Variants in SLC8A1 observed in about 807,000 individuals in gnomAD.
SLC8A1 encodes sodium/calcium exchanger 1.
Under a neutral mutation model 68.3 loss-of-function variants are expected in SLC8A1, and 18 were observed. That is an observed-to-expected ratio of 0.26 (90% CI 0.18 to 0.39). The LOEUF is 0.39. Among genes scored for constraint, SLC8A1 ranks in the 10% least tolerant of loss-of-function variants. SLC8A1 has a pLI of 1.00. For synonymous variants in SLC8A1, 475 were observed against 415.5 expected (o/e 1.14, Z -1.74); for missense variants, 985 against 1,156.7 (o/e 0.85, Z 2.15).
At chr2:40,292,615 C>T (rs1008631462) in intron 2 of SLC8A1, among the ~76,000 whole-genome samples, 12 of 152,142 alleles carry the variant, frequency 7.9e-5, no homozygotes, top group Admixed American at 2.6e-4. Flanking sequence ...GAGAGAAGTG[C>T]ACCCACAGGA....
At chr2:40,103,254 TCCAC>T in exon 8 of SLC8A1, 1 of 152,294 alleles carries the variant, frequency 6.6e-6, no homozygotes, top group Non-Finnish European at 1.5e-5. Flanking sequence ...CTTCTTTTCT[TCCAC>T]CCCATGGAAA....
chr2:40,242,403 C>T (rs1000955065), intron 2 of SLC8A1, among the ~76,000 whole-genome samples: 38 of 152,130 alleles, frequency 2.5e-4, no homozygotes, highest in African/African-American at 8.9e-4. Context: ...AATTTGTAAC[C>T]TCATTGTTGT....
chr2:40,160,797 T>C (rs758677375), exon 6 of SLC8A1: 4 of 1,613,298 alleles, frequency 2.5e-6, no homozygotes, highest in Non-Finnish European at 3.4e-6. Context: ...AATGAACTGT[T>C]CTCTCCAGCT....
intron 2 of SLC8A1, among the ~76,000 whole-genome samples, chr2:40,426,226 C>T (rs1357945663): frequency 6.6e-6 from 1 of 151,976 alleles, no homozygotes; most frequent in African/African-American, 2.4e-5. Context: ...TAAAATTTCA[C>T]ATTTCAATTA....
At chr2:40,321,928 C>T (rs1359299764) in intron 2 of SLC8A1, among the ~76,000 whole-genome samples, 1 of 152,128 alleles carries the variant, frequency 6.6e-6, no homozygotes, top group Non-Finnish European at 1.5e-5. Context: ...TATTAAACCT[C>T]TACTGTCTGA....
intron 2 of SLC8A1, among the ~76,000 whole-genome samples, chr2:40,398,618 T>C (rs1173376598): frequency 6.6e-6 from 1 of 152,216 alleles, no homozygotes; most frequent in Non-Finnish European, 1.5e-5. Flanking sequence ...GAATAGTCAA[T>C]ATGATTTTTA....
At chr2:40,452,811 G>C (rs1371742370), upstream of SLC8A1, among the ~76,000 whole-genome samples, 4 of 151,134 alleles carry the variant, frequency 2.6e-5, no homozygotes, top group African/African-American at 4.9e-5. Flanking sequence ...TCTCTGTGTT[G>C]GTATTTCCCT....
At position 40,428,430 on chromosome 2, in the gene SLC8A1, C is replaced by G. The variant is rs773892979; in HGVS notation, c.1808+43G>C. On this transcript the variant is annotated intron_variant, in intron 2 of 7. Transcript: ENST00000406785. ...ATTCATAAACACACTGAACCACACA[C>G]ACACACACACACACACACACACATA... 1.1e-5 allele frequency: 12 copies of G among 1,076,682 alleles called. No homozygotes were observed. The Admixed American group carries it at 3.1e-4, about 27-fold the overall frequency. 66.7% of individuals were successfully genotyped at this position (1,076,682 alleles called of 1,614,324 possible).
intron 2 of SLC8A1, among the ~76,000 whole-genome samples, chr2:40,354,495 A>C (rs1324234092): frequency 1.3e-5 from 2 of 152,104 alleles, no homozygotes; most frequent in Non-Finnish European, 2.9e-5. Context: ...GTGTCAATGG[A>C]GCAAAGGACC....
At position 40,255,637 on chromosome 2, in the gene SLC8A1, G is replaced by C. The variant is rs1055736757; in HGVS notation, c.1809-77782C>G. On this transcript the variant is annotated intron_variant, in intron 2 of 7. Coordinates refer to ENST00000406785, the Ensembl canonical transcript of SLC8A1. ...TGTATAGTGAAGGCCTCCAGCTTTAGCATCTCATAATTTTGTTGTGGAAAA... is the reference window on the plus strand; with the variant it reads ...TGTATAGTGAAGGCCTCCAGCTTTACCATCTCATAATTTTGTTGTGGAAAA... 3.1e-4 allele frequency among the ~76,000 whole-genome samples: 47 copies of C among 152,112 alleles called. 1 individual carries two copies. Among genetic ancestry groups the C allele is most frequent in the Non-Finnish European group, 4.7e-4 (32 of 68,032 alleles).
intron 2 of SLC8A1, among the ~76,000 whole-genome samples, chr2:40,322,842 A>C (rs1027038871): frequency 4.6e-5 from 7 of 151,126 alleles, no homozygotes; most frequent in Non-Finnish European, 8.8e-5. Context: ...ACACACACAC[A>C]CACACACACC....
chr2:40,347,260 C>A (rs1453227989), intron 2 of SLC8A1, among the ~76,000 whole-genome samples: 1 of 152,230 alleles, frequency 6.6e-6, no homozygotes, highest in Non-Finnish European at 1.5e-5. Context: ...CTTGGCCTCC[C>A]AAAGTGCTAG....
chr2:40,215,764 T>C (rs1355718672), intron 2 of SLC8A1, among the ~76,000 whole-genome samples: 1 of 152,080 alleles, frequency 6.6e-6, no homozygotes, highest in Non-Finnish European at 1.5e-5. Context: ...GTGTTGGCAT[T>C]ACAGGTCTGA....
chr2:40,175,939 G>C (rs1180714210), intron 3 of SLC8A1: 2 of 430,984 alleles, frequency 4.6e-6, no homozygotes, highest in Non-Finnish European at 9.3e-6. Context: ...ACACCTACTT[G>C]TGTCCTTATC....
chr2:40,206,273 G>A (rs1201196581), intron 2 of SLC8A1, among the ~76,000 whole-genome samples: 1 of 151,890 alleles, frequency 6.6e-6, no homozygotes, highest in South Asian at 2.1e-4. Context: ...TTAAAATCAG[G>A]GTACTTTCCT....
chr2:40,509,725 T>C (rs1706592395), intron 1 of SLC8A1, among the ~76,000 whole-genome samples: 1 of 152,170 alleles, frequency 6.6e-6, no homozygotes, highest in South Asian at 2.1e-4. Context: ...CCATGCTATT[T>C]GGAATTATTT....
At chr2:40,356,366 C>A (rs1282477683) in intron 2 of SLC8A1, among the ~76,000 whole-genome samples, 1 of 152,138 alleles carries the variant, frequency 6.6e-6, no homozygotes, top group Non-Finnish European at 1.5e-5. Flanking sequence ...AATTCCTGCT[C>A]TCAAAGACCA....
chr2:40,311,995 G>C (rs569780907), intron 2 of SLC8A1, among the ~76,000 whole-genome samples: 1 of 152,112 alleles, frequency 6.6e-6, no homozygotes, highest in South Asian at 2.1e-4. Flanking sequence ...CTCCTCCCTT[G>C]CGTCTCAAAG....
intron 5 of SLC8A1, among the ~76,000 whole-genome samples, chr2:40,163,286 T>C (rs1318370189): frequency 6.6e-6 from 1 of 152,130 alleles, no homozygotes; most frequent in African/African-American, 2.4e-5. Flanking sequence ...GTTACTATGA[T>C]TGCTCTTCCT....
Sources: allele counts gnomAD v4.1 joint callset (sites outside exome capture counted in the v4.1 genomes callset), GRCh38; gene constraint gnomAD v4.1.1; transcripts MANE v1.5; gene names NCBI Gene and HGNC (gene_info 2026-07-23, HGNC 2026-07-21).